CNTN4: variants seen among roughly 807,000 people sequenced by gnomAD.
The protein encoded by CNTN4 is contactin 4.
A neutral mutation model predicts 122.5 loss-of-function variants in CNTN4; 77 were observed. The ratio of observed to expected loss-of-function variants is 0.63; its 90% confidence interval spans 0.52 to 0.76. The LOEUF (loss-of-function observed/expected upper bound fraction) is 0.76. Ranked by LOEUF, CNTN4 falls within the 30% of genes least tolerant of loss-of-function variation. CNTN4 has a pLI of 0.00. For synonymous variants in CNTN4, 512 were observed against 447.0 expected (o/e 1.15, Z -1.83); for missense variants, 1,256 against 1,259.1 (o/e 1.00, Z 0.04).
chr3:2,229,273 G>A (rs1443428895), intron 2 of CNTN4, among the ~76,000 whole-genome samples: 3 of 152,026 alleles, frequency 2.0e-5, no homozygotes. Flanking sequence ...ATGGGTTTTG[G>A]GTATTATTAA....
chr3:2,355,491 G>A (rs181516976), intron 3 of CNTN4, among the ~76,000 whole-genome samples: 78 of 152,296 alleles, frequency 5.1e-4, no homozygotes, highest in Middle Eastern at 6.8e-3. Context: ...CAGCTACGAA[G>A]TACAGCTTTG....
At chr3:2,277,745 T>C (rs766953208) in intron 2 of CNTN4, among the ~76,000 whole-genome samples, 2 of 152,312 alleles carry the variant, frequency 1.3e-5, no homozygotes, top group Admixed American at 6.5e-5. Context: ...TTGGAAAATA[T>C]TGATTTCCCT....
Position 3,014,046 on chromosome 3 carries a change from G to GCACACA in CNTN4, c.1487-12056_1487-12055insCACACA, listed in dbSNP as rs1559789736. On this transcript the variant is annotated intron_variant, in intron 14 of 24. Coordinates refer to ENST00000418658, the MANE Select transcript of CNTN4 (RefSeq NM_175607.3). ...TTTATTGAGGAACAGACATTTAAAT[G>GCACACA]TACACACACACACACACACACACAC... Among the ~76,000 whole-genome samples, 499 of 87,806 alleles carry GCACACA rather than the reference G, an allele frequency of 5.7e-3. 9 individuals are homozygous for GCACACA. Among genetic ancestry groups the GCACACA allele is most frequent in the Admixed American group, 0.047 (399 of 8,490 alleles). 57.6% of individuals were successfully genotyped at this position (87,806 alleles called of 152,430 possible). A position where few individuals can be genotyped will look rare whatever the true frequency, so the allele number is the denominator to read the frequency against.
chr3:2,807,658 G>C (rs919096600), intron 6 of CNTN4, among the ~76,000 whole-genome samples: 2 of 152,162 alleles, frequency 1.3e-5, no homozygotes, highest in African/African-American at 4.8e-5. Flanking sequence ...TAGCTATGAT[G>C]CAAAGCATGT....
At chr3:2,913,382 AC>A (rs2094321672) in intron 12 of CNTN4, among the ~76,000 whole-genome samples, 1 of 152,212 alleles carries the variant, frequency 6.6e-6, no homozygotes, top group Non-Finnish European at 1.5e-5. Flanking sequence ...TGGATTAAAA[AC>A]AAACAGGATC....
intron 8 of CNTN4, among the ~76,000 whole-genome samples, chr3:2,874,475 C>A (rs1478376454): frequency 2.6e-5 from 4 of 152,162 alleles, no homozygotes; most frequent in Non-Finnish European, 5.9e-5. Context: ...TTTGATCATG[C>A]ATTTAACCAA....
chr3:2,658,375 G>A (rs999632504), intron 4 of CNTN4, among the ~76,000 whole-genome samples: 1 of 152,100 alleles, frequency 6.6e-6, no homozygotes, highest in African/African-American at 2.4e-5. Flanking sequence ...CCATGGGACA[G>A]ACAAGGACCC....
At chr3:2,589,818 C>T (rs1399971414) in intron 4 of CNTN4, among the ~76,000 whole-genome samples, 5 of 152,194 alleles carry the variant, frequency 3.3e-5, no homozygotes, top group Non-Finnish European at 5.9e-5. Context: ...CCGCATGGAG[C>T]TCCCTATGGC....
chr3:2,981,408 C>T, intron 13 of CNTN4, among the ~76,000 whole-genome samples: 1 of 152,094 alleles, frequency 6.6e-6, no homozygotes, highest in Non-Finnish European at 1.5e-5. Context: ...CGCAGCACTG[C>T]ACTCCAGCCT....
chr3:2,658,137 C>A (rs955156501), intron 4 of CNTN4, among the ~76,000 whole-genome samples: 9 of 151,298 alleles, frequency 5.9e-5, no homozygotes, highest in African/African-American at 2.2e-4. Flanking sequence ...AAAACTCCAG[C>A]CAGCCTGTGC....
intron 3 of CNTN4, among the ~76,000 whole-genome samples, chr3:2,448,957 T>C (rs2048726105): frequency 6.6e-6 from 1 of 152,196 alleles, no homozygotes; most frequent in Non-Finnish European, 1.5e-5. Context: ...CCAGAGGCTT[T>C]TACTTTAAAT....
At chr3:2,885,931 G>T (rs914694242) in intron 9 of CNTN4, among the ~76,000 whole-genome samples, 2 of 152,080 alleles carry the variant, frequency 1.3e-5, no homozygotes, top group African/African-American at 4.8e-5. Context: ...CCTTCCTGGC[G>T]GTCTCAAGGT....
In CNTN4 at chr3:3,018,204, G is replaced by A. The variant is rs28561430; in HGVS notation, c.1487-7898G>A. On this transcript the variant is annotated intron_variant, in intron 14 of 24. Transcript: ENST00000418658. Reference sequence around the variant, plus strand: ...AGTAATGTCTTGCTCCTGACAATAGGTATTTTATGAAAGTATTAATTCAGG... The same window carrying A: ...AGTAATGTCTTGCTCCTGACAATAGATATTTTATGAAAGTATTAATTCAGG... Among the ~76,000 whole-genome samples, 1,250 of 152,262 alleles carry A rather than the reference G, an allele frequency of 8.2e-3. 15 individuals carry two copies. Among genetic ancestry groups the A allele is most frequent in the African/African-American group, 0.028 (1,176 of 41,546 alleles).
At chr3:2,275,843 C>A (rs1285648971) in intron 2 of CNTN4, among the ~76,000 whole-genome samples, 1 of 147,692 alleles carries the variant, frequency 6.8e-6, no homozygotes, top group Non-Finnish European at 1.5e-5. Flanking sequence ...TCACGTGAAC[C>A]TGGGAGGTAT....
At chr3:2,849,242 C>A (rs1016347508) in intron 7 of CNTN4, among the ~76,000 whole-genome samples, 1 of 152,142 alleles carries the variant, frequency 6.6e-6, no homozygotes, top group African/African-American at 2.4e-5. Context: ...AATAGGCCCA[C>A]ATGAAGCATT....
chr3:2,418,069 T>A (rs1039811435), intron 3 of CNTN4, among the ~76,000 whole-genome samples: 4 of 152,150 alleles, frequency 2.6e-5, no homozygotes, highest in African/African-American at 4.8e-5. Flanking sequence ...TACAGATACA[T>A]GTTATTACAA....
At chr3:2,871,997 A>G (rs551731958) in intron 8 of CNTN4, among the ~76,000 whole-genome samples, 10 of 152,282 alleles carry the variant, frequency 6.6e-5, no homozygotes, top group East Asian at 3.9e-4. Flanking sequence ...TGAGAGGGAG[A>G]AAGTATAATT....
At chr3:2,406,378 C>T (rs939903961) in intron 3 of CNTN4, among the ~76,000 whole-genome samples, 4 of 152,176 alleles carry the variant, frequency 2.6e-5, no homozygotes, top group Non-Finnish European at 4.4e-5. Flanking sequence ...ACCAGGCAAA[C>T]CTAACATGAA....
chr3:2,192,482 C>T (rs1251106667), intron 2 of CNTN4, among the ~76,000 whole-genome samples: 1 of 152,094 alleles, frequency 6.6e-6, no homozygotes, highest in Non-Finnish European at 1.5e-5. Context: ...AAGAAACTAC[C>T]ATCAGAGTGA....
Sources: allele counts gnomAD v4.1 joint callset (sites outside exome capture counted in the v4.1 genomes callset), GRCh38; gene constraint gnomAD v4.1.1; transcripts MANE v1.5; gene names NCBI Gene and HGNC (gene_info 2026-07-23, HGNC 2026-07-21).